The following RAB37 variants were observed in gnomAD, a reference collection of about 807,000 sequenced individuals.
The protein encoded by RAB37 is ras-related protein Rab-37.
In RAB37, 29 loss-of-function variants were observed where a neutral mutation model predicts 33.1. The ratio of observed to expected loss-of-function variants is 0.88; its 90% CI spans 0.65 to 1.20. The LOEUF is 1.20. Among genes scored for constraint, RAB37 ranks in the 50% most tolerant of loss-of-function variants. The pLI is 0.00. For missense variants in RAB37, 299 were observed against 301.1 expected, an observed-to-expected ratio of 0.99 and a Z score of 0.05; for synonymous variants, 128 against 119.5, an observed-to-expected ratio of 1.07 and a Z score of -0.47.
chr17:74,711,347 C>T (rs1328094673), intron 1 of RAB37, among the ~76,000 whole-genome samples: 1 of 152,170 alleles, frequency 6.6e-6, no homozygotes, highest in African/African-American at 2.4e-5. Flanking sequence ...CAAATTCTCT[C>T]ATTTCCAGGT....
intron 1 of RAB37, among the ~76,000 whole-genome samples, chr17:74,724,903 GGCTTA>G (rs2034287353): frequency 6.6e-6 from 1 of 152,130 alleles, no homozygotes; most frequent in South Asian, 2.1e-4. Flanking sequence ...GGGATATGAT[GGCTTA>G]GCTTGGGCTC....
In RAB37 at chr17:74,729,969, C is replaced by T. The variant is rs1190320687; in HGVS notation, c.183+603C>T. Among the ~76,000 whole-genome samples the T allele has an allele frequency of 1.3e-5, 2 of 152,166 alleles. No individual in the cohort carries two copies. The highest frequency in any genetic ancestry group is 6.5e-5 in the Admixed American group (1 of 15,284). ...CCCAGGTTACAGTTCCGTGTTTAGT[C>T]CTCGGTAAAATGGTAAAAGGGCAGC... On this transcript the variant is annotated intron_variant, in intron 2 of 7. Transcript: ENST00000340415. This position sits in a 1 kb window ranked among gnomAD's most constrained non-coding sequence, Gnocchi z 4.2.
chr17:74,715,558 G>T (rs147974066), intron 1 of RAB37, among the ~76,000 whole-genome samples: 176 of 152,286 alleles, frequency 1.2e-3, no homozygotes, highest in African/African-American at 4.1e-3. Flanking sequence ...AATGGGGGCT[G>T]CCCTGAAAAA....
chr17:74,744,518 G>T lies in RAB37; in HGVS notation c.432+145G>T, dbSNP rs1170393239. The T allele has an allele frequency of 1.0e-5, 8 of 762,778 alleles. No homozygotes were observed. The highest frequency in any genetic ancestry group is 1.8e-5 in the Non-Finnish European group (8 of 453,710). 47.3% of individuals were successfully genotyped at this position (762,778 alleles called of 1,614,324 possible). ...GCTCAGGGGTCAGACATATCTGGAGGCTTCTGCCCATCCCATCTGCCCCTT... is the reference window on the plus strand; with the variant it reads ...GCTCAGGGGTCAGACATATCTGGAGTCTTCTGCCCATCCCATCTGCCCCTT... On this transcript the variant is annotated intron_variant, in intron 6 of 8. Coordinates refer to ENST00000392613, the MANE Select transcript of RAB37 (RefSeq NM_001006638.3). The surrounding 1 kb of genome is among the most constrained non-coding windows in gnomAD (Gnocchi z 4.2).
chr17:74,711,090 T>C lies in RAB37; in HGVS notation c.73-18166T>C, dbSNP rs989342166. Among the ~76,000 whole-genome samples, 21 of 152,144 alleles carry C rather than the reference T, an allele frequency of 1.4e-4. 1 individual carries two copies. The East Asian group carries it at 4.1e-3, about 29-fold the overall frequency. ...CACAGAAAACAAACTTCCGGATGGGTATTTTTTTTCTTGGGTGTTTTAAAA... is the reference window on the plus strand; with the variant it reads ...CACAGAAAACAAACTTCCGGATGGGCATTTTTTTTCTTGGGTGTTTTAAAA... On this transcript the variant is annotated intron_variant, in intron 1 of 7. Transcript: ENST00000340415.
intron 1 of RAB37, among the ~76,000 whole-genome samples, chr17:74,699,230 G>A (rs977428461): frequency 6.6e-6 from 1 of 152,034 alleles, no homozygotes; most frequent in Non-Finnish European, 1.5e-5. Context: ...ACAAAAGATA[G>A]TTTTTAAAAG....
chr17:74,723,100 G>T (rs548529608), intron 1 of RAB37, among the ~76,000 whole-genome samples: 1 of 152,160 alleles, frequency 6.6e-6, no homozygotes, highest in East Asian at 1.9e-4. Context: ...TGCGTCTTCC[G>T]CAAAGTTGCA....
upstream of RAB37, chr17:74,737,022 T>A: frequency 1.2e-6 from 2 of 1,606,324 alleles, no homozygotes; most frequent in Non-Finnish European, 1.7e-6. Context: ...GTGGCTCATG[T>A]CCGAAGCGCA....
At chr17:74,695,184 G>A in intron 1 of RAB37, 2 of 1,614,130 alleles carry the variant, frequency 1.2e-6, no homozygotes, top group Non-Finnish European at 1.7e-6. Flanking sequence ...GTTGCAGTAG[G>A]TCGGTTCCTG....
intron 1 of RAB37, among the ~76,000 whole-genome samples, chr17:74,726,261 C>G (rs1347801511): frequency 6.6e-6 from 1 of 150,406 alleles, no homozygotes; most frequent in East Asian, 2.0e-4. Flanking sequence ...AGACCATGAC[C>G]AATATGAGAG....
chr17:74,686,111 G>C (rs1034453471), intron 1 of RAB37, among the ~76,000 whole-genome samples: 1 of 151,002 alleles, frequency 6.6e-6, no homozygotes, highest in African/African-American at 2.4e-5. Flanking sequence ...TTTTTTTCTT[G>C]AGATAGAGTC....
At position 74,671,347 on chromosome 17, in the gene RAB37, A is replaced by C. The variant is rs1201660305; in HGVS notation, c.-240A>C. ...ATCTCAGAACTCTGGTCCCGGGCGC[A>C]CAACGGCGGAGTCGCTGTTCCTGGT... On this transcript the variant is annotated 5_prime_UTR_variant, in exon 1 of 8. Transcript: ENST00000340415. The surrounding 1 kb of genome is among the most constrained non-coding windows in gnomAD (Gnocchi z 5.0). The C allele has an allele frequency of 3.7e-6, 2 of 538,630 alleles. No homozygotes were observed. The highest frequency in any genetic ancestry group is 3.8e-5 in the African/African-American group (2 of 52,876). 33.4% of individuals were successfully genotyped at this position (538,630 alleles called of 1,614,324 possible). A position where few individuals can be genotyped will look rare whatever the true frequency, so the allele number is the denominator to read the frequency against.
At chr17:74,691,838 G>A (rs1019666736) in intron 1 of RAB37, among the ~76,000 whole-genome samples, 2 of 151,548 alleles carry the variant, frequency 1.3e-5, no homozygotes, top group South Asian at 2.1e-4. Flanking sequence ...GCACAGTTAC[G>A]CTCTGATCTA....
At chr17:74,728,609 A>G (rs2034338606) in intron 1 of RAB37, among the ~76,000 whole-genome samples, 1 of 145,768 alleles carries the variant, frequency 6.9e-6, no homozygotes, top group South Asian at 2.2e-4. Context: ...GTGTATGTTT[A>G]TGTGTGTGTG....
upstream of RAB37, chr17:74,736,996 G>T: frequency 6.3e-7 from 1 of 1,592,652 alleles, no homozygotes; most frequent in Non-Finnish European, 8.5e-7. Context: ...ACAGGGGACC[G>T]GTCCCGGGGC....
intron 1 of RAB37, among the ~76,000 whole-genome samples, chr17:74,680,705 G>A (rs1176272007): frequency 6.6e-6 from 1 of 152,062 alleles, no homozygotes; most frequent in African/African-American, 2.4e-5. Context: ...CTCCAGGTCT[G>A]TATTTCCTGC....
At chr17:74,683,659 T>C (rs2031998720) in intron 1 of RAB37, among the ~76,000 whole-genome samples, 1 of 152,244 alleles carries the variant, frequency 6.6e-6, no homozygotes, top group Non-Finnish European at 1.5e-5. Context: ...TGCTGCCAGA[T>C]AAAAACCCCT....
intron 1 of RAB37, among the ~76,000 whole-genome samples, chr17:74,685,965 C>T (rs1373287323): frequency 2.0e-5 from 3 of 152,198 alleles, no homozygotes; most frequent in Non-Finnish European, 4.4e-5. Context: ...GGATTTGCCT[C>T]CATCAACCCA....
At chr17:74,705,378 C>T in intron 1 of RAB37, 1 of 637,186 alleles carries the variant, frequency 1.6e-6, no homozygotes, top group Non-Finnish European at 2.9e-6. Flanking sequence ...TCTCCATGTG[C>T]TATAGGATCC....
Sources: allele counts gnomAD v4.1 joint callset (sites outside exome capture counted in the v4.1 genomes callset), GRCh38; gene constraint gnomAD v4.1.1; non-coding constraint Gnocchi (gnomAD v3.1); transcripts MANE v1.5; gene names NCBI Gene and HGNC (gene_info 2026-07-23, HGNC 2026-07-21).